EXT1: variants seen among roughly 807,000 people sequenced by gnomAD.
EXT1 encodes exostosin-1.
Under a neutral mutation model 82.5 loss-of-function variants are expected in EXT1, and 20 were observed. That is an observed-to-expected ratio of 0.24 (90% CI 0.17 to 0.35). EXT1 has a LOEUF of 0.35. Among genes scored for constraint, EXT1 ranks in the 10% least tolerant of loss-of-function variants. The pLI is 1.00. For synonymous variants in EXT1, 348 were observed against 350.8 expected, an observed-to-expected ratio of 0.99 and a Z score of 0.09; for missense variants, 757 against 936.5, an observed-to-expected ratio of 0.81 and a Z score of 2.50.
At chr8:117,881,883 AC>A (rs1489856350) in intron 1 of EXT1, among the ~76,000 whole-genome samples, 38 of 152,308 alleles carry the variant, frequency 2.5e-4, no homozygotes, top group African/African-American at 7.7e-4. Context: ...GCTGCTGCAC[AC>A]AGCAGAAATA....
intron 10 of EXT1, among the ~76,000 whole-genome samples, chr8:117,804,202 A>G (rs754903199): frequency 6.6e-6 from 1 of 152,148 alleles, no homozygotes; most frequent in Non-Finnish European, 1.5e-5. Context: ...ATGAGGGTGG[A>G]GTCCTCACAA....
chr8:117,891,616 A>G (rs1813243468), intron 1 of EXT1, among the ~76,000 whole-genome samples: 1 of 152,094 alleles, frequency 6.6e-6, no homozygotes, highest in Non-Finnish European at 1.5e-5. Context: ...TGCTTTTCCT[A>G]TGAACTCAAA....
intron 1 of EXT1, among the ~76,000 whole-genome samples, chr8:118,048,512 C>T (rs1258152331): frequency 5.9e-5 from 9 of 151,986 alleles, no homozygotes; most frequent in Admixed American, 5.2e-4. Context: ...TTTATTTTAC[C>T]CTTTCAAATC....
intron 1 of EXT1, among the ~76,000 whole-genome samples, chr8:117,923,468 A>G (rs1291564180): frequency 6.6e-6 from 1 of 152,026 alleles, no homozygotes; most frequent in Non-Finnish European, 1.5e-5. Flanking sequence ...CTGTAATCCC[A>G]GCAATTTGGG....
At chr8:117,944,861 C>T (rs778658353) in intron 1 of EXT1, among the ~76,000 whole-genome samples, 2 of 152,152 alleles carry the variant, frequency 1.3e-5, no homozygotes, top group Non-Finnish European at 2.9e-5. Context: ...ATGCTCAGTG[C>T]TAAAAAAATA....
At chr8:118,032,106 C>T (rs1193112517) in intron 1 of EXT1, among the ~76,000 whole-genome samples, 1 of 139,400 alleles carries the variant, frequency 7.2e-6, no homozygotes, top group Non-Finnish European at 1.6e-5. Flanking sequence ...CAAAAGTCAT[C>T]GCGGTTTTGG....
chr8:118,043,839 A>T (rs1383638872), intron 1 of EXT1, among the ~76,000 whole-genome samples: 4 of 152,240 alleles, frequency 2.6e-5, no homozygotes, highest in Non-Finnish European at 5.9e-5. Flanking sequence ...TATGCCAAAA[A>T]ACAGGTAAAA....
At chr8:118,009,172 A>G (rs973168298) in intron 1 of EXT1, among the ~76,000 whole-genome samples, 2 of 152,192 alleles carry the variant, frequency 1.3e-5, no homozygotes, top group Admixed American at 1.3e-4. Flanking sequence ...TGTGAGTCCT[A>G]TCTGGTGAAA....
At chr8:117,909,375 G>C (rs1160731717) in intron 1 of EXT1, among the ~76,000 whole-genome samples, 1 of 152,130 alleles carries the variant, frequency 6.6e-6, no homozygotes, top group Non-Finnish European at 1.5e-5. Flanking sequence ...AGTTTAAAGA[G>C]ATCAAATAGT....
intron 1 of EXT1, among the ~76,000 whole-genome samples, chr8:118,053,907 T>C (rs959155386): frequency 1.3e-5 from 2 of 152,200 alleles, no homozygotes; most frequent in Non-Finnish European, 2.9e-5. Context: ...TCATCTTCAC[T>C]GATGCTTAGT....
chr8:117,824,228 A>G (rs750191979), intron 4 of EXT1, among the ~76,000 whole-genome samples: 1 of 152,214 alleles, frequency 6.6e-6, no homozygotes, highest in African/African-American at 2.4e-5. Flanking sequence ...CTACAGACAA[A>G]TATCATGGAA....
In EXT1 at chr8:118,110,283, G is replaced by A. The variant is rs1348650954; in HGVS notation, c.764C>T (p.Thr255Ile). Residue 255 changes from threonine to isoleucine, a missense_variant, in exon 1 of 11, where the codon ACC (threonine) becomes ATC (isoleucine). Around this residue, in one of 4 missense-constraint regions of EXT1, gnomAD observed 247 missense variants for 330.1 expected, o/e 0.75. Coordinates refer to ENST00000378204, the MANE Select transcript of EXT1 (RefSeq NM_000127.3). ...CATGTACTTCCTGAGAGGAGGGATG[G>A]TGTTGAACTTCAAAAACCCCCTCTC... ...GGERGFLKFNTIPPLRKYMLV... is the reference protein window; with the variant it reads ...GGERGFLKFNIIPPLRKYMLV... The A allele has an allele frequency of 6.2e-7, 1 of 1,614,136 alleles. No homozygotes were observed. The highest frequency in any genetic ancestry group is 8.5e-7 in the Non-Finnish European group (1 of 1,180,030).
At chr8:118,027,004 C>T (rs1236230280) in intron 1 of EXT1, among the ~76,000 whole-genome samples, 3 of 152,072 alleles carry the variant, frequency 2.0e-5, no homozygotes, top group Admixed American at 1.3e-4. Flanking sequence ...TACTTTGGAG[C>T]CTGAGGCAGG....
chr8:117,916,186 T>A (rs1813745571), intron 1 of EXT1, among the ~76,000 whole-genome samples: 1 of 152,248 alleles, frequency 6.6e-6, no homozygotes, highest in South Asian at 2.1e-4. Context: ...CATCCTCTTG[T>A]GTGATTTACT....
rs1375505148 is a variant in EXT1, at chr8:117,822,479, T to C, written c.1403A>G (p.Tyr468Cys). The C allele has an allele frequency of 3.1e-6, 5 of 1,613,134 alleles. No homozygotes were observed. The highest frequency in any genetic ancestry group is 4.2e-6 in the Non-Finnish European group (5 of 1,179,710). ...AATTCACTTACCTAAATTAGCATAG[T>C]AGTAAGGAAAATCTCCCAGATAAGA... ...YSSYLGDFPY[Y>C]YANLGLKPPS... The change falls in exon 5 of 11, where the codon TAC becomes TGC. Residue 468 changes from tyrosine to cysteine, a missense_variant. Transcript: ENST00000378204.
chr8:118,072,376 A>G (rs1031412502), intron 1 of EXT1, among the ~76,000 whole-genome samples: 8 of 152,312 alleles, frequency 5.3e-5, no homozygotes, highest in African/African-American at 1.7e-4. Context: ...TGTGAGAGCC[A>G]TTTTCTCCAT....
intron 1 of EXT1, among the ~76,000 whole-genome samples, chr8:118,108,265 C>T (rs115957105): frequency 0.02 from 3,025 of 152,228 alleles, 99 homozygotes; most frequent in African/African-American, 0.069. Context: ...ATTCAAATTT[C>T]CTAAGCTGAA....
intron 1 of EXT1, among the ~76,000 whole-genome samples, chr8:118,039,492 G>A (rs920837433): frequency 4.0e-5 from 6 of 150,644 alleles, no homozygotes; most frequent in Admixed American, 6.6e-5. Context: ...CCCGGGAGGC[G>A]GAGGCTGCAG....
chr8:117,977,478 T>C (rs1053311139), intron 1 of EXT1, among the ~76,000 whole-genome samples: 8 of 151,152 alleles, frequency 5.3e-5, no homozygotes, highest in African/African-American at 2.0e-4. Context: ...AAAGTGTTAG[T>C]AGGAAAAGAA....
Sources: gnomAD v4.1 joint callset for allele counts (sites outside exome capture counted in the v4.1 genomes callset) on GRCh38, gnomAD v4.1.1 for gene constraint, gnomAD v4.1.1 regional missense constraint, MANE v1.5 for transcripts, NCBI Gene and HGNC (gene_info 2026-07-23, HGNC 2026-07-21) for gene names.